Variants in NUDT19 observed in about 807,000 individuals in gnomAD.
NUDT19 encodes nudix hydrolase 19.
A neutral mutation model predicts 22.2 loss-of-function variants in NUDT19; 31 were observed. The observed-to-expected ratio is 1.40, with a 90% CI of 1.05 to 1.89. The LOEUF (loss-of-function observed/expected upper bound fraction) is 1.89. Ranked by LOEUF, NUDT19 falls within the 40% of genes most tolerant of loss-of-function variation. The pLI is 0.00. For missense variants in NUDT19, 752 were observed against 514.2 expected (o/e 1.46, Z -4.47); for synonymous variants, 325 against 230.8 (o/e 1.41, Z -3.70).
Position 32,692,675 on chromosome 19 carries a change from G to A in NUDT19, c.714+1G>A, listed in dbSNP as rs766941751. On this transcript the variant is annotated splice_donor_variant, in intron 1 of 2. Transcript: ENST00000397061. LOFTEE classifies it high-confidence loss of function. Reference sequence around the variant, plus strand: ...CTTGGCGGAGGTGGTGGGCTACCAGGTAAGGCCTGCTCAGGGCCTTGCTGC... The same window carrying A: ...CTTGGCGGAGGTGGTGGGCTACCAGATAAGGCCTGCTCAGGGCCTTGCTGC... 2 of 1,494,674 alleles carry A rather than the reference G, an allele frequency of 1.3e-6. No individual in the cohort carries two copies. Among genetic ancestry groups the A allele is most frequent in the East Asian group, 4.9e-5 (2 of 40,544 alleles). 92.6% of individuals were successfully genotyped at this position (1,494,674 alleles called of 1,614,324 possible).
chr19:32,697,113 A>T (rs901207630), intron 1 of NUDT19, among the ~76,000 whole-genome samples: 3 of 152,074 alleles, frequency 2.0e-5, no homozygotes, highest in Non-Finnish European at 1.5e-5. Context: ...CTACCAGGTG[A>T]TTGGCCTGCT....
chr19:32,705,741 T>C (rs1357119309), intron 1 of NUDT19, among the ~76,000 whole-genome samples: 1 of 152,024 alleles, frequency 6.6e-6, no homozygotes, highest in Non-Finnish European at 1.5e-5. Context: ...CATGCCACCA[T>C]GCCTGGCTAA....
At chr19:32,705,455 T>C (rs981151998) in intron 1 of NUDT19, among the ~76,000 whole-genome samples, 4 of 151,978 alleles carry the variant, frequency 2.6e-5, no homozygotes, top group Admixed American at 2.0e-4. Context: ...AAAGAGAGTA[T>C]TGGACATTTC....
intron 1 of NUDT19, among the ~76,000 whole-genome samples, chr19:32,704,361 A>T (rs1311913439): frequency 6.6e-6 from 1 of 151,748 alleles, no homozygotes; most frequent in East Asian, 2.0e-4. Flanking sequence ...TCCCAGATTC[A>T]AGCAATTCTC....
At chr19:32,707,705 G>A (rs187539357) in intron 1 of NUDT19, among the ~76,000 whole-genome samples, 1,535 of 152,214 alleles carry the variant, frequency 0.01, 22 homozygotes, top group African/African-American at 0.032. Context: ...TAGGCCGGGC[G>A]CGGTGGCTCA....
At chr19:32,701,128 T>G (rs1423649196) in intron 1 of NUDT19, among the ~76,000 whole-genome samples, 1 of 151,932 alleles carries the variant, frequency 6.6e-6, no homozygotes, top group Non-Finnish European at 1.5e-5. Flanking sequence ...AAGAAGAATA[T>G]GTATTCTGCT....
chr19:32,700,148 G>C (rs1968318886), intron 1 of NUDT19, among the ~76,000 whole-genome samples: 1 of 152,252 alleles, frequency 6.6e-6, no homozygotes, highest in Non-Finnish European at 1.5e-5. Context: ...GCGGGTTGCT[G>C]CTGCTGGCTT....
At chr19:32,707,522 A>G (rs1968398934) in intron 1 of NUDT19, among the ~76,000 whole-genome samples, 1 of 152,206 alleles carries the variant, frequency 6.6e-6, no homozygotes, top group African/African-American at 2.4e-5. Context: ...TCCTAGGTGT[A>G]TAAGTGGATA....
At chr19:32,699,192 A>G (rs1968303094) in intron 1 of NUDT19, among the ~76,000 whole-genome samples, 1 of 152,188 alleles carries the variant, frequency 6.6e-6, no homozygotes, top group Non-Finnish European at 1.5e-5. Context: ...AGTTTATCCT[A>G]GAAATCATTC....
chr19:32,692,106 G>C lies in NUDT19; in HGVS notation c.146G>C (p.Arg49Pro), dbSNP rs942227545. Reference sequence around the variant, plus strand: ...GGCTTCCGGCTGCTGCTGCTGCAGCGCTCCCCGCACCAAGGCTTCATGCCG... The same window carrying C: ...GGCTTCCGGCTGCTGCTGCTGCAGCCCTCCCCGCACCAAGGCTTCATGCCG... ...AEGFRLLLLQRSPHQGFMPGA... is the reference protein window; with the variant it reads ...AEGFRLLLLQPSPHQGFMPGA... Residue 49 changes from arginine (R) to proline (P), a missense_variant, in exon 1 of 3, where the codon CGC becomes CCC. By Grantham distance (103) the Arg-to-Pro change is moderately radical (BLOSUM62 -2). Transcript: ENST00000397061. 5 of 1,407,710 alleles carry C rather than the reference G, an allele frequency of 3.6e-6. No homozygotes were observed. Among genetic ancestry groups the C allele is most frequent in the South Asian group, 1.5e-5 (1 of 65,170 alleles). The allele number at this position is 1,407,710 out of a possible 1,614,324, so 87.2% of individuals were successfully genotyped here.
At chr19:32,696,624 T>C (rs1661542333) in intron 1 of NUDT19, among the ~76,000 whole-genome samples, 1 of 152,148 alleles carries the variant, frequency 6.6e-6, no homozygotes, top group African/African-American at 2.4e-5. Flanking sequence ...AGCTCCAGCT[T>C]TGGCTAATAT....
At chr19:32,703,711 G>T (rs936535151) in intron 1 of NUDT19, among the ~76,000 whole-genome samples, 2 of 125,742 alleles carry the variant, frequency 1.6e-5, no homozygotes, top group African/African-American at 6.0e-5. Context: ...CACCCAGGCT[G>T]GAGTGCAGTG....
In NUDT19 at chr19:32,709,214, T is replaced by C; in HGVS notation, c.744T>C (p.Ser248=). Residue 248 remains serine (S), a synonymous_variant, in exon 2 of 3, where the codon AGT becomes AGC. Transcript: ENST00000397061. ...QWSSPSEATE[S]FLSKEIWLPP... ...CATCTCCATCAGAGGCAACTGAAAG[T>C]TTCTTATCAAAAGAAATTTGGTTGC... 6.2e-7 allele frequency: 1 copy of C among 1,613,852 alleles called. No homozygotes were observed. Among genetic ancestry groups the C allele is most frequent in the Non-Finnish European group, 8.5e-7 (1 of 1,179,962 alleles).
chr19:32,698,596 AAAC>A (rs1412789907), intron 1 of NUDT19, among the ~76,000 whole-genome samples: 1 of 151,990 alleles, frequency 6.6e-6, no homozygotes, highest in Non-Finnish European at 1.5e-5. Flanking sequence ...GCAGCAGCAG[AAAC>A]AACCCCTGCC....
intron 1 of NUDT19, among the ~76,000 whole-genome samples, chr19:32,707,663 T>C (rs1968400413): frequency 6.7e-6 from 1 of 150,182 alleles, no homozygotes; most frequent in African/African-American, 2.5e-5. Context: ...GCCAAGATGG[T>C]GAAATGCCAT....
chr19:32,705,290 G>C (rs1017222450), intron 1 of NUDT19, among the ~76,000 whole-genome samples: 4 of 151,456 alleles, frequency 2.6e-5, no homozygotes, highest in African/African-American at 7.3e-5. Flanking sequence ...CAGTCATGGT[G>C]GTGGGCGCCT....
Position 32,711,887 on chromosome 19 carries a change from A to G in NUDT19, c.1058A>G (p.His353Arg). 6.2e-7 allele frequency: 1 copy of G among 1,614,072 alleles called. No homozygotes were observed. Among genetic ancestry groups the G allele is most frequent in the Non-Finnish European group, 8.5e-7 (1 of 1,179,950 alleles). Residue 353 changes from histidine to arginine, a missense_variant, in exon 3 of 3, where the codon CAC becomes CGC. Physicochemically the swap from His to Arg is conservative, Grantham distance 29 (BLOSUM62 0). Transcript: ENST00000397061. ...VTYHRHLYDI[H>R]VTVQPKYKHV... ...TACCATCGCCACCTTTATGATATCC[A>G]CGTGACTGTTCAGCCAAAGTATAAA...
intron 1 of NUDT19, among the ~76,000 whole-genome samples, chr19:32,699,975 C>T (rs996171307): frequency 2.0e-5 from 3 of 152,052 alleles, no homozygotes; most frequent in South Asian, 2.1e-4. Flanking sequence ...TTGTTTGTTC[C>T]TCCTGGTGCG....
At chr19:32,693,041 T>G (rs1235216583) in intron 1 of NUDT19, among the ~76,000 whole-genome samples, 1 of 152,236 alleles carries the variant, frequency 6.6e-6, no homozygotes, top group Non-Finnish European at 1.5e-5. Context: ...TTTTTATTTA[T>G]TTTTGGTACA....
Sources: allele counts gnomAD v4.1 joint callset (sites outside exome capture counted in the v4.1 genomes callset), GRCh38; gene constraint gnomAD v4.1.1; transcripts MANE v1.5; gene names NCBI Gene and HGNC (gene_info 2026-07-23, HGNC 2026-07-21).